Variants in ZFHX3 observed in about 807,000 individuals in gnomAD.
The protein encoded by ZFHX3 is zinc finger homeobox 3.
ZFHX3 carries 42 observed loss-of-function variants against 279.1 expected under a neutral mutation model. That is an observed-to-expected ratio of 0.15 (90% CI 0.12 to 0.19). ZFHX3 has a LOEUF of 0.19. Ranked by LOEUF, ZFHX3 falls within the 10% of genes least tolerant of loss-of-function variation. The pLI is 1.00. For synonymous variants in ZFHX3, 2,293 were observed against 1,957.8 expected (o/e 1.17, Z -4.52); for missense variants, 4,981 against 4,754.0 (o/e 1.05, Z -1.40).
intron 4 of ZFHX3, among the ~76,000 whole-genome samples, chr16:73,299,399 T>C (rs1370501575): frequency 6.6e-6 from 1 of 152,204 alleles, no homozygotes; most frequent in Non-Finnish European, 1.5e-5. Context: ...ACATCAAAGC[T>C]GCTGCATTAA....
At chr16:73,009,071 T>C (rs1963818975) in intron 1 of ZFHX3, among the ~76,000 whole-genome samples, 1 of 152,152 alleles carries the variant, frequency 6.6e-6, no homozygotes, top group African/African-American at 2.4e-5. Flanking sequence ...GCCTTTCCCA[T>C]TTTACAATTA....
intron 2 of ZFHX3, among the ~76,000 whole-genome samples, chr16:73,569,750 C>T (rs825704): frequency 0.68 from 103,095 of 152,150 alleles, 35,576 homozygotes; most frequent in African/African-American, 0.79. Flanking sequence ...AACCTGGATG[C>T]ACAAACATGC....
At chr16:73,716,559 C>A (rs1010541898) in intron 1 of ZFHX3, among the ~76,000 whole-genome samples, 1 of 151,676 alleles carries the variant, frequency 6.6e-6, no homozygotes, top group Non-Finnish European at 1.5e-5. Flanking sequence ...CCTAAGAGAA[C>A]AATTAAAATT....
At chr16:73,359,905 ATT>A (rs35461704) in intron 3 of ZFHX3, among the ~76,000 whole-genome samples, 1 of 151,220 alleles carries the variant, frequency 6.6e-6, no homozygotes, top group Admixed American at 6.6e-5. Context: ...GTTAGATGGG[ATT>A]TTTTTTTTAA....
chr16:73,716,811 A>G (rs1228208055), intron 1 of ZFHX3, among the ~76,000 whole-genome samples: 1 of 152,014 alleles, frequency 6.6e-6, no homozygotes, highest in African/African-American at 2.4e-5. Flanking sequence ...TTTTTGCCAT[A>G]ATAGGTACAG....
At chr16:73,365,245 A>G (rs1050431108) in intron 3 of ZFHX3, among the ~76,000 whole-genome samples, 3 of 152,220 alleles carry the variant, frequency 2.0e-5, no homozygotes, top group Non-Finnish European at 4.4e-5. Context: ...TTGCAATCAC[A>G]GACTTTTCTG....
At chr16:73,093,413 A>G (rs1966114372) in exon 8 of ZFHX3, 1 of 464,190 alleles carries the variant, frequency 2.2e-6, no homozygotes, top group Admixed American at 2.3e-5. Flanking sequence ...ACAGCTGATC[A>G]CTTTGGTCCG....
intron 1 of ZFHX3, among the ~76,000 whole-genome samples, chr16:72,998,695 C>T (rs1384768918): frequency 2.0e-5 from 3 of 152,190 alleles, no homozygotes; most frequent in Non-Finnish European, 2.9e-5. Flanking sequence ...TCTGATCTGG[C>T]CCCACTGTAA....
At chr16:73,783,342 C>T (rs1022936620) in intron 1 of ZFHX3, among the ~76,000 whole-genome samples, 1 of 152,204 alleles carries the variant, frequency 6.6e-6, no homozygotes, top group Non-Finnish European at 1.5e-5. Context: ...TTTCCTGTGT[C>T]CAATCCCATT....
chr16:73,376,668 C>T (rs1227893496), intron 3 of ZFHX3, among the ~76,000 whole-genome samples: 1 of 152,152 alleles, frequency 6.6e-6, no homozygotes, highest in African/African-American at 2.4e-5. Flanking sequence ...GGAAGATTTA[C>T]ACTTTCCAGG....
At chr16:73,802,630 G>A (rs1211472292) in intron 1 of ZFHX3, among the ~76,000 whole-genome samples, 1 of 152,166 alleles carries the variant, frequency 6.6e-6, no homozygotes, top group Non-Finnish European at 1.5e-5. Flanking sequence ...AGACTTGAAT[G>A]TCACACTGTA....
chr16:73,404,162 T>C (rs2143441071), intron 3 of ZFHX3, among the ~76,000 whole-genome samples: 1 of 152,260 alleles, frequency 6.6e-6, no homozygotes, highest in African/African-American at 2.4e-5. Flanking sequence ...GGGGGAAAGC[T>C]AATGCCATCT....
intron 2 of ZFHX3, among the ~76,000 whole-genome samples, chr16:73,526,995 T>A (rs1403436287): frequency 3.3e-5 from 5 of 152,024 alleles, no homozygotes; most frequent in Non-Finnish European, 7.4e-5. Flanking sequence ...CTTTCCAATA[T>A]AAGAGACAAC....
intron 1 of ZFHX3, among the ~76,000 whole-genome samples, chr16:73,729,833 G>A (rs942095287): frequency 2.0e-5 from 3 of 152,146 alleles, no homozygotes; most frequent in African/African-American, 4.8e-5. Flanking sequence ...CTCTTCTCAA[G>A]GAAGAAGAAT....
chr16:73,859,660 C>T (rs1414201089), intron 1 of ZFHX3, among the ~76,000 whole-genome samples: 1 of 152,014 alleles, frequency 6.6e-6, no homozygotes, highest in Non-Finnish European at 1.5e-5. Context: ...AACAAAAAAG[C>T]AAAAATGACA....
Position 72,902,882 on chromosome 16 carries a change from G to A in ZFHX3, c.3217-12920C>T, listed in dbSNP as rs1005853050. Among the ~76,000 whole-genome samples the A allele has an allele frequency of 7.2e-5, 11 of 152,278 alleles. No homozygotes were observed. In the South Asian group the frequency reaches 8.3e-4, roughly 12 times the overall value. On this transcript the variant is annotated intron_variant, in intron 3 of 9. Transcript: ENST00000268489. ...AGTCTGACAGTCGCGCAGGCCAGCC[G>A]GGGGCTAAAGTTGGACAGGAACAAA...
Position 73,035,096 on chromosome 16 carries a change from C to T in ZFHX3, c.-50+12656G>A, listed in dbSNP as rs1964852890. ...TCACTACCGAGCCTGTGACATGTGG[C>T]TTGTCTCGATAGAGATGTGCTGAAG... On this transcript the variant is annotated intron_variant, in intron 1 of 9. Coordinates refer to ENST00000268489, the MANE Select transcript of ZFHX3 (RefSeq NM_006885.4). 2.0e-5 allele frequency among the ~76,000 whole-genome samples: 3 copies of T among 152,148 alleles called. No homozygotes were observed. In the South Asian group the frequency reaches 6.2e-4, roughly 32 times the overall value.
chr16:73,085,900 A>C lies in ZFHX3; in HGVS notation c.-533+7335T>G, dbSNP rs545715671. On this transcript the variant is annotated intron_variant, in intron 8 of 17. Coordinates refer to the ZFHX3 transcript ENST00000641206. Reference sequence around the variant, plus strand: ...TTAGCAAAGTGAAAAAACAACCTACAAGAATGGGGGAAAATATTTGCAAAC... The same window carrying C: ...TTAGCAAAGTGAAAAAACAACCTACCAGAATGGGGGAAAATATTTGCAAAC... Among the ~76,000 whole-genome samples the C allele has an allele frequency of 3.1e-3, 465 of 151,924 alleles. 1 individual carries two copies. Among genetic ancestry groups the C allele is most frequent in the Non-Finnish European group, 3.9e-3 (267 of 67,952 alleles).
At chr16:72,875,415 C>T (rs1417906028) in intron 4 of ZFHX3, among the ~76,000 whole-genome samples, 2 of 152,242 alleles carry the variant, frequency 1.3e-5, no homozygotes, top group African/African-American at 4.8e-5. Context: ...CCAGGAGGCA[C>T]AGCCCAGATG....
Sources: gnomAD v4.1 joint callset for allele counts (sites outside exome capture counted in the v4.1 genomes callset) on GRCh38, gnomAD v4.1.1 for gene constraint, MANE v1.5 for transcripts, NCBI Gene and HGNC (gene_info 2026-07-23, HGNC 2026-07-21) for gene names.